PCDHGA5: variants seen among roughly 807,000 people sequenced by gnomAD.
PCDHGA5 encodes protocadherin gamma subfamily A, 5, also known as protocadherin gamma-A5.
A neutral mutation model predicts 56.7 loss-of-function variants in PCDHGA5; 36 were observed. The observed-to-expected ratio is 0.64, with a 90% CI of 0.49 to 0.84. The LOEUF is 0.84. Among genes scored for constraint, PCDHGA5 ranks in the 40% least tolerant of loss-of-function variants. The probability of loss-of-function intolerance (pLI) is 0.00; values close to 1 mark genes in which losing one functional copy is unlikely to be tolerated. For synonymous variants in PCDHGA5, 563 were observed against 520.2 expected, an observed-to-expected ratio of 1.08 and a Z score of -1.12; for missense variants, 1,305 against 1,201.5, an observed-to-expected ratio of 1.09 and a Z score of -1.27.
chr5:141,431,071 A>G lies in PCDHGA5; in HGVS notation c.2422-63736A>G. The G allele has an allele frequency of 6.2e-7, 1 of 1,614,244 alleles. No homozygotes were observed. On this transcript the variant is annotated intron_variant, in intron 1 of 3. Coordinates refer to ENST00000518069, the MANE Select transcript of PCDHGA5 (RefSeq NM_018918.3). The surrounding 1 kb of genome is among the most constrained non-coding windows in gnomAD (Gnocchi z 4.8). ...GTATGGGGGCCATCAAGTGTCAATTAAATCTAGACATTCTGATGGAGGATA... is the reference window on the plus strand; with the variant it reads ...GTATGGGGGCCATCAAGTGTCAATTGAATCTAGACATTCTGATGGAGGATA...
intron 1 of PCDHGA5, among the ~76,000 whole-genome samples, chr5:141,450,038 A>G (rs2098666630): frequency 8.1e-6 from 1 of 124,190 alleles, no homozygotes; most frequent in African/African-American, 3.3e-5. Context: ...ACAGGGTCTC[A>G]CTCTTTCGCC....
At position 141,364,990 on chromosome 5, in the gene PCDHGA5, G is replaced by C. The variant is rs1363998069; in HGVS notation, c.660G>C (p.Pro220=). 1.2e-6 allele frequency: 2 copies of C among 1,613,862 alleles called. No homozygotes were observed. The highest frequency in any genetic ancestry group is 1.7e-5 in the Admixed American group (1 of 60,026). The change falls in exon 1 of 4, where the codon CCG becomes CCC. Residue 220 remains proline (P), a synonymous_variant. Coordinates refer to ENST00000518069, the MANE Select transcript of PCDHGA5 (RefSeq NM_018918.3). ...TCACAGCTTTAGATGGCGGAGACCCGGTACTCTCCGGCACCACGCACATCC... is the reference window on the plus strand; with the variant it reads ...TCACAGCTTTAGATGGCGGAGACCCCGTACTCTCCGGCACCACGCACATCC... ...LLLTALDGGD[P]VLSGTTHIRV...
intron 1 of PCDHGA5, chr5:141,418,010 G>A: frequency 6.2e-7 from 1 of 1,613,914 alleles, no homozygotes; most frequent in African/African-American, 1.3e-5. Flanking sequence ...GGGGAACCTC[G>A]CTAAGGATCT....
Position 141,486,595 on chromosome 5 carries a change from T to G in PCDHGA5, c.2422-8212T>G. ...AGAACAATCGCCCAGGGGACCTGCTTTGCTCCCTTGCAGCCTCTGACCCAG... is the reference window on the plus strand; with the variant it reads ...AGAACAATCGCCCAGGGGACCTGCTGTGCTCCCTTGCAGCCTCTGACCCAG... On this transcript the variant is annotated intron_variant, in intron 1 of 3. Coordinates refer to ENST00000518069, the MANE Select transcript of PCDHGA5 (RefSeq NM_018918.3). This position sits in a 1 kb window ranked among gnomAD's most constrained non-coding sequence, Gnocchi z 5.0. The G allele has an allele frequency of 6.2e-7, 1 of 1,613,614 alleles. No homozygotes were observed. Among genetic ancestry groups the G allele is most frequent in the Non-Finnish European group, 8.5e-7 (1 of 1,180,016 alleles).
At chr5:141,384,070 C>A (rs762136393) in intron 1 of PCDHGA5, 2 of 1,603,864 alleles carry the variant, frequency 1.2e-6, no homozygotes, top group Admixed American at 3.4e-5. Context: ...AGAAAACCTA[C>A]CTTTTAAATT....
At chr5:141,387,385 T>C (rs998102373) in intron 1 of PCDHGA5, among the ~76,000 whole-genome samples, 4 of 152,206 alleles carry the variant, frequency 2.6e-5, no homozygotes, top group African/African-American at 9.6e-5. Flanking sequence ...TTTATATAGA[T>C]AGTGCATGTT....
intron 1 of PCDHGA5, chr5:141,412,915 T>C (rs1167427710): frequency 2.0e-5 from 8 of 407,356 alleles, no homozygotes; most frequent in Non-Finnish European, 2.6e-5. Flanking sequence ...ATGTATCACT[T>C]GGGTGCAGTA....
rs1173771781 is a variant in PCDHGA5 at position 141,486,312 on chromosome 5, G to A, written c.2422-8495G>A. Reference sequence around the variant, plus strand: ...ATCAGTGTGCAGGATCCAGACTCAGGGTCAAACGGAGATGTGAGCCTCCGC... The same window carrying A: ...ATCAGTGTGCAGGATCCAGACTCAGAGTCAAACGGAGATGTGAGCCTCCGC... On this transcript the variant is annotated intron_variant, in intron 1 of 3. Coordinates refer to ENST00000518069, the MANE Select transcript of PCDHGA5 (RefSeq NM_018918.3). The surrounding 1 kb of genome is among the most constrained non-coding windows in gnomAD (Gnocchi z 5.0). The A allele has an allele frequency of 1.2e-6, 2 of 1,613,864 alleles. No individual in the cohort carries two copies. Among genetic ancestry groups the A allele is most frequent in the African/African-American group, 1.3e-5 (1 of 74,842 alleles).
At chr5:141,375,453 A>C in intron 1 of PCDHGA5, 1 of 1,613,612 alleles carries the variant, frequency 6.2e-7, no homozygotes, top group South Asian at 1.1e-5. Flanking sequence ...CATTCATCCT[A>C]CTCAGTCTAT....
chr5:141,502,784 G>C (rs185608958), intron 2 of PCDHGA5, among the ~76,000 whole-genome samples: 1 of 151,804 alleles, frequency 6.6e-6, no homozygotes, highest in Non-Finnish European at 1.5e-5. Flanking sequence ...AAATTACCTG[G>C]ATGATTTCTT....
In PCDHGA5 at chr5:141,431,019, C is replaced by A. The variant is rs1368671750; in HGVS notation, c.2422-63788C>A. 1 of 1,613,488 alleles carries A rather than the reference C, an allele frequency of 6.2e-7. No individual in the cohort carries two copies. The highest frequency in any genetic ancestry group is 1.7e-5 in the Admixed American group (1 of 59,968). ...CCGCGCAGCGGCAGCTTGGTCACGG[C>A]GGGCAGGATAGACCGGGAGGAGCTC... On this transcript the variant is annotated intron_variant, in intron 1 of 3. Transcript: ENST00000518069. The surrounding 1 kb of genome is among the most constrained non-coding windows in gnomAD (Gnocchi z 4.8).
chr5:141,373,545 G>A (rs1396644712), intron 1 of PCDHGA5, among the ~76,000 whole-genome samples: 1 of 152,122 alleles, frequency 6.6e-6, no homozygotes, highest in African/African-American at 2.4e-5. Context: ...TGTGGTTGTT[G>A]GTACCCTTAC....
Position 141,485,113 on chromosome 5 carries a change from T to G in PCDHGA5, c.2422-9694T>G. On this transcript the variant is annotated intron_variant, in intron 1 of 3. Transcript: ENST00000518069. This position sits in a 1 kb window ranked among gnomAD's most constrained non-coding sequence, Gnocchi z 5.7. ...AGGTGTCTCCAGCTGCTGTGGCTGTTTGGGGCGGGTCGGCTTCATCCGCGT... is the reference window on the plus strand; with the variant it reads ...AGGTGTCTCCAGCTGCTGTGGCTGTGTGGGGCGGGTCGGCTTCATCCGCGT... 1 of 1,286,014 alleles carries G rather than the reference T, an allele frequency of 7.8e-7. No individual in the cohort carries two copies. Among genetic ancestry groups the G allele is most frequent in the Non-Finnish European group, 1.1e-6 (1 of 898,642 alleles). 79.7% of individuals were successfully genotyped at this position (1,286,014 alleles called of 1,614,324 possible). A position where few individuals can be genotyped will look rare whatever the true frequency, so the allele number is the denominator to read the frequency against.
In PCDHGA5 at chr5:141,512,843, T is replaced by G. The variant is rs2099884463; in HGVS notation, c.*1670T>G. ...CCCTCCCCCGTACTGACTTCTCCTATAAGCGCTTCTCTTCGCATAGTCACG... is the reference window on the plus strand; with the variant it reads ...CCCTCCCCCGTACTGACTTCTCCTAGAAGCGCTTCTCTTCGCATAGTCACG... On this transcript the variant is annotated 3_prime_UTR_variant, in exon 4 of 4. Coordinates refer to ENST00000518069, the MANE Select transcript of PCDHGA5 (RefSeq NM_018918.3). 6.6e-6 allele frequency: 1 copy of G among 152,290 alleles called. No individual in the cohort carries two copies. The highest frequency in any genetic ancestry group is 1.5e-5 in the Non-Finnish European group (1 of 68,088). 9.4% of individuals were successfully genotyped at this position (152,290 alleles called of 1,614,324 possible).
intron 1 of PCDHGA5, chr5:141,375,955 C>T: frequency 6.2e-7 from 1 of 1,613,498 alleles, no homozygotes; most frequent in Non-Finnish European, 8.5e-7. Context: ...TGCACACGGG[C>T]GAGGTGCGCA....
intron 1 of PCDHGA5, among the ~76,000 whole-genome samples, chr5:141,473,350 G>A (rs28461214): frequency 0.13 from 19,833 of 152,204 alleles, 1,410 homozygotes; most frequent in African/African-American, 0.17. Context: ...CAGTGAGGAT[G>A]CAAGTGGCCA....
intron 3 of PCDHGA5, among the ~76,000 whole-genome samples, chr5:141,510,230 G>A (rs1285202719): frequency 2.7e-5 from 4 of 149,638 alleles, no homozygotes; most frequent in Non-Finnish European, 5.9e-5. Context: ...CCGGGATCGC[G>A]CCACTGCACT....
At position 141,382,780 on chromosome 5, in the gene PCDHGA5, A is replaced by T. The variant is rs1050419701; in HGVS notation, c.2421+16029A>T. On this transcript the variant is annotated intron_variant, in intron 1 of 3. Coordinates refer to ENST00000518069, the MANE Select transcript of PCDHGA5 (RefSeq NM_018918.3). ...CCCTCTTCCAGGCTGCACTAAACTC[A>T]AGCCTCTATCCTGCTGGATTCTGAG... is the stretch of plus-strand genomic sequence containing the variant. 8.4e-6 allele frequency: 7 copies of T among 836,240 alleles called. No homozygotes were observed. The African/African-American group carries it at 1.2e-4, about 14-fold the overall frequency. 51.8% of individuals were successfully genotyped at this position (836,240 alleles called of 1,614,324 possible).
At chr5:141,390,341 A>T (rs766269615) in intron 1 of PCDHGA5, 5 of 1,587,538 alleles carry the variant, frequency 3.1e-6, no homozygotes, top group Non-Finnish European at 4.3e-6. Flanking sequence ...CATATTCACA[A>T]GAAAATATAC....
Sources: gnomAD v4.1 joint callset for allele counts (sites outside exome capture counted in the v4.1 genomes callset) on GRCh38, gnomAD v4.1.1 for gene constraint, Gnocchi (gnomAD v3.1) non-coding constraint, MANE v1.5 for transcripts, NCBI Gene and HGNC (gene_info 2026-07-23, HGNC 2026-07-21) for gene names.